GRIA3: variants seen among roughly 807,000 people sequenced by gnomAD.
GRIA3 encodes the protein glutamate ionotropic receptor AMPA type subunit 3, also known as glutamate receptor 3.
In GRIA3, 3 loss-of-function variants were observed where a neutral mutation model predicts 63.0. The ratio of observed to expected loss-of-function variants is 0.05; its 90% confidence interval spans 0.02 to 0.12. GRIA3 has a LOEUF of 0.12. GRIA3 is among the 10% of genes least tolerant of loss of function. The probability of loss-of-function intolerance (pLI) is 1.00; values close to 1 mark genes in which losing one functional copy is unlikely to be tolerated. For missense variants in GRIA3, 347 were observed against 700.9 expected (o/e 0.50, Z 5.70); for synonymous variants, 274 against 257.9 (o/e 1.06, Z -0.60).
rs551560598 is a variant in GRIA3, at chrX:123,470,595, G to A, written c.2324+5483G>A. On this transcript the variant is annotated intron_variant, in intron 13 of 15. Coordinates refer to ENST00000620443, the MANE Select transcript of GRIA3 (RefSeq NM_007325.5). ...AAAGATAGTAAAAAGTTACACTCTC[G>A]GACAGCCCATTTCCAAAATCCCTCA... 1.1e-4 allele frequency among the ~76,000 whole-genome samples: 12 copies of A among 111,550 alleles called. No homozygotes were observed. In the South Asian group the frequency reaches 3.4e-3, roughly 32 times the overall value.
At chrX:123,216,568 G>A (rs182603126) in intron 2 of GRIA3, among the ~76,000 whole-genome samples, 8 of 111,513 alleles carry the variant, frequency 7.2e-5, no homozygotes, top group Non-Finnish European at 1.5e-4. Flanking sequence ...GGAGGGAAGG[G>A]AGAGGCAGTG....
intron 2 of GRIA3, among the ~76,000 whole-genome samples, chrX:123,245,123 A>C (rs1251941207): frequency 1.8e-5 from 2 of 112,413 alleles, no homozygotes; most frequent in East Asian, 5.6e-4. Flanking sequence ...GAAGCATTAC[A>C]AAAGAATGGT....
At chrX:123,205,190 G>A (rs1430197648) in intron 2 of GRIA3, among the ~76,000 whole-genome samples, 1 of 111,876 alleles carries the variant, frequency 8.9e-6, no homozygotes, top group African/African-American at 3.3e-5. Context: ...TTCCCAGTAA[G>A]TGGCTGGGGT....
chrX:123,427,532 A>AT (rs749686481), intron 11 of GRIA3, among the ~76,000 whole-genome samples: 198 of 111,267 alleles, frequency 1.8e-3, no homozygotes, highest in East Asian at 6.7e-3. Context: ...TGGTAAAAAA[A>AT]ATATATATTT....
intron 12 of GRIA3, among the ~76,000 whole-genome samples, chrX:123,440,947 T>G (rs1364440776): frequency 1.8e-5 from 2 of 111,892 alleles, no homozygotes; most frequent in Non-Finnish European, 3.8e-5. Context: ...GACTATTTCT[T>G]GTATCAGTCA....
At chrX:123,422,412 A>AAT (rs781161298) in intron 11 of GRIA3, among the ~76,000 whole-genome samples, 2 of 112,511 alleles carry the variant, frequency 1.8e-5, no homozygotes, top group Non-Finnish European at 3.8e-5. Flanking sequence ...GAAGGTAATC[A>AAT]ATATAATAAC....
intron 2 of GRIA3, among the ~76,000 whole-genome samples, chrX:123,200,638 C>T (rs1331651801): frequency 1.9e-5 from 2 of 107,916 alleles, no homozygotes; most frequent in African/African-American, 6.7e-5. Flanking sequence ...CACACACACA[C>T]ACACGCAACC....
intron 12 of GRIA3, among the ~76,000 whole-genome samples, chrX:123,453,377 A>T (rs2045744343): frequency 1.9e-5 from 2 of 104,169 alleles, no homozygotes; most frequent in African/African-American, 3.5e-5. Context: ...AACATCACAC[A>T]CCGGGGCCTG....
At chrX:123,477,112 GGCA>G (rs1374333166) in intron 13 of GRIA3, among the ~76,000 whole-genome samples, 26 of 111,478 alleles carry the variant, frequency 2.3e-4, no homozygotes, top group Non-Finnish European at 9.4e-5. Flanking sequence ...AGTGGACAGT[GGCA>G]GCCCAGCATG....
At chrX:123,211,841 G>T (rs1928049283) in intron 2 of GRIA3, among the ~76,000 whole-genome samples, 1 of 111,112 alleles carries the variant, frequency 9.0e-6, no homozygotes, top group South Asian at 3.8e-4. Context: ...CTCTTCCTCT[G>T]CATTTCTCTC....
intron 15 of GRIA3, 129 bp from the exon 16 acceptor site, chrX:123,488,584 G>A (rs747687604): frequency 8.9e-6 from 1 of 112,020 alleles, no homozygotes; most frequent in African/African-American, 3.2e-5. Context: ...AAATAAATGA[G>A]GTGCAACCCC....
intron 10 of GRIA3, among the ~76,000 whole-genome samples, chrX:123,410,862 C>T (rs1020305444): frequency 5.4e-5 from 6 of 111,687 alleles, no homozygotes; most frequent in Non-Finnish European, 9.4e-5. Context: ...TACAGAGACA[C>T]TTTTTTATCT....
chrX:123,269,657 C>G (rs750381600), intron 3 of GRIA3, among the ~76,000 whole-genome samples: 3 of 111,640 alleles, frequency 2.7e-5, no homozygotes, highest in Non-Finnish European at 5.6e-5. Context: ...TGTAGAAGGC[C>G]TCGGGCCAAA....
intron 10 of GRIA3, among the ~76,000 whole-genome samples, chrX:123,415,507 C>T (rs964867440): frequency 1.8e-5 from 2 of 111,102 alleles, no homozygotes. Flanking sequence ...TATCAAATGG[C>T]TTCCATCTTC....
intron 3 of GRIA3, among the ~76,000 whole-genome samples, chrX:123,300,578 T>C (rs1173640250): frequency 9.2e-6 from 1 of 109,276 alleles, no homozygotes; most frequent in African/African-American, 3.3e-5. Flanking sequence ...TATTAATTTC[T>C]TTTCAAAAAT....
At chrX:123,200,291 A>G (rs781048591) in intron 2 of GRIA3, among the ~76,000 whole-genome samples, 7 of 110,539 alleles carry the variant, frequency 6.3e-5, no homozygotes, top group Non-Finnish European at 1.3e-4. Flanking sequence ...GTCAACAAAC[A>G]AAAAACTTCA....
At chrX:123,460,591 A>G in intron 12 of GRIA3, among the ~76,000 whole-genome samples, 2 of 112,015 alleles carry the variant, frequency 1.8e-5, no homozygotes, top group Middle Eastern at 4.6e-3. Flanking sequence ...GTAAAGGCTA[A>G]ATTCAGTATC....
At chrX:123,379,917 G>A in intron 5 of GRIA3, among the ~76,000 whole-genome samples, 1 of 106,929 alleles carries the variant, frequency 9.4e-6, no homozygotes, top group East Asian at 3.0e-4. Context: ...CTTTGTGATA[G>A]TTTGCTCAGA....
chrX:123,281,485 G>T (rs183815956), intron 3 of GRIA3, among the ~76,000 whole-genome samples: 189 of 112,205 alleles, frequency 1.7e-3, no homozygotes, highest in African/African-American at 5.6e-3. Context: ...GAAATAAAAA[G>T]AAATTATCTC....
Sources: allele counts gnomAD v4.1 joint callset (sites outside exome capture counted in the v4.1 genomes callset), GRCh38; gene constraint gnomAD v4.1.1; transcripts MANE v1.5; gene names NCBI Gene and HGNC (gene_info 2026-07-23, HGNC 2026-07-21).